PTPRD: variants seen among roughly 807,000 people sequenced by gnomAD.
PTPRD encodes the protein protein tyrosine phosphatase receptor type D, also known as receptor-type tyrosine-protein phosphatase delta.
Under a neutral mutation model 214.5 loss-of-function variants are expected in PTPRD, and 34 were observed. The observed-to-expected ratio is 0.16, with a 90% CI of 0.12 to 0.21. PTPRD has a LOEUF of 0.21. PTPRD is among the 10% of genes least tolerant of loss of function. The probability of loss-of-function intolerance (pLI) is 1.00; values close to 1 mark genes in which losing one functional copy is unlikely to be tolerated. For missense variants in PTPRD, 2,545 were observed against 2,398.7 expected (o/e 1.06, Z -1.27); for synonymous variants, 1,128 against 845.7 (o/e 1.33, Z -5.79).
At chr9:9,868,375 A>G (rs1600304315) in intron 5 of PTPRD, among the ~76,000 whole-genome samples, 1 of 152,218 alleles carries the variant, frequency 6.6e-6, no homozygotes, top group Admixed American at 6.5e-5. Context: ...AGAATTTTTT[A>G]ACTAAAATTT....
intron 8 of PTPRD, among the ~76,000 whole-genome samples, chr9:9,457,675 G>A (rs1355785567): frequency 6.6e-6 from 1 of 151,996 alleles, no homozygotes; most frequent in Admixed American, 6.6e-5. Flanking sequence ...TGTACAACAT[G>A]TTACATATAT....
rs745363174 is a variant in PTPRD at position 8,481,785 on chromosome 9, T to TTTTGC, written c.3413+2333_3413+2334insGCAAA. 1.3e-3 allele frequency among the ~76,000 whole-genome samples: 202 copies of TTTTGC among 152,170 alleles called. 1 individual carries two copies. The highest frequency in any genetic ancestry group is 1.9e-3 in the Non-Finnish European group (129 of 67,996). ...AAATGCATATCTATAATCTGTTTTG[T>TTTTGC]TTTGTTTTGTTTTTTGAGACGGAGT... On this transcript the variant is annotated intron_variant, in intron 30 of 45. Transcript: ENST00000381196.
At chr9:9,677,821 T>C (rs1483847627) in intron 7 of PTPRD, among the ~76,000 whole-genome samples, 18 of 152,054 alleles carry the variant, frequency 1.2e-4, no homozygotes, top group African/African-American at 4.1e-4. Flanking sequence ...TAGAAAACCC[T>C]ATCATCTCAG....
At chr9:8,845,946 G>A (rs1294150074) in intron 11 of PTPRD, among the ~76,000 whole-genome samples, 2 of 152,290 alleles carry the variant, frequency 1.3e-5, no homozygotes, top group South Asian at 4.1e-4. Context: ...GCCTGGATGA[G>A]GCCCCTTAAA....
chr9:10,178,003 A>G (rs2099259531), intron 3 of PTPRD, among the ~76,000 whole-genome samples: 1 of 151,918 alleles, frequency 6.6e-6, no homozygotes, highest in South Asian at 2.1e-4. Flanking sequence ...AGCACTTTCT[A>G]GTTGTTAATT....
intron 2 of PTPRD, among the ~76,000 whole-genome samples, chr9:10,506,208 C>T (rs909477591): frequency 6.6e-6 from 1 of 151,898 alleles, no homozygotes; most frequent in African/African-American, 2.4e-5. Context: ...CTTTTTTTAT[C>T]ACTTTTAAAA....
intron 43 of PTPRD, among the ~76,000 whole-genome samples, chr9:8,338,503 T>C (rs1159436425): frequency 1.3e-5 from 2 of 152,058 alleles, no homozygotes; most frequent in African/African-American, 2.4e-5. Context: ...TCATACCAAA[T>C]TAACCTCTGG....
chr9:10,103,580 T>A lies in PTPRD; in HGVS notation c.-544-69790A>T, dbSNP rs561943322. ...ATAAGCCCCCTAAAGCCCTTTGTGG[T>A]TTTATGGTTGTGCTTTTGTCTTAGG... On this transcript the variant is annotated intron_variant, in intron 3 of 45. Transcript: ENST00000381196. 1.5e-4 allele frequency among the ~76,000 whole-genome samples: 23 copies of A among 150,942 alleles called. No homozygotes were observed. In the South Asian group the frequency reaches 4.6e-3, roughly 30 times the overall value.
At chr9:9,913,415 CAG>C (rs1046683085) in intron 5 of PTPRD, among the ~76,000 whole-genome samples, 1 of 151,940 alleles carries the variant, frequency 6.6e-6, no homozygotes, top group Non-Finnish European at 1.5e-5. Flanking sequence ...AAAAACAAAA[CAG>C]AGTGATCTCA....
chr9:8,762,696 C>T (rs920990142), intron 11 of PTPRD, among the ~76,000 whole-genome samples: 1 of 152,074 alleles, frequency 6.6e-6, no homozygotes, highest in Admixed American at 6.5e-5. Context: ...TAACTTCTGA[C>T]CCTTGAAACT....
chr9:9,365,990 T>C (rs2139383958), intron 9 of PTPRD, among the ~76,000 whole-genome samples: 1 of 151,640 alleles, frequency 6.6e-6, no homozygotes, highest in African/African-American at 2.4e-5. Context: ...AACTATAATA[T>C]TATAAATCTT....
At chr9:8,647,037 T>C (rs547959346) in intron 12 of PTPRD, among the ~76,000 whole-genome samples, 3 of 152,350 alleles carry the variant, frequency 2.0e-5, no homozygotes, top group South Asian at 2.1e-4. Flanking sequence ...CTGCAATACA[T>C]TGATATGACA....
intron 4 of PTPRD, among the ~76,000 whole-genome samples, chr9:9,986,341 G>T (rs116067450): frequency 4.6e-5 from 7 of 152,070 alleles, no homozygotes; most frequent in African/African-American, 1.7e-4. Flanking sequence ...GATAGACTAA[G>T]TGTCTATCAA....
At position 9,564,852 on chromosome 9, in the gene PTPRD, T is replaced by A. The variant is rs1193794647; in HGVS notation, c.-237+9880A>T. On this transcript the variant is annotated intron_variant, in intron 8 of 45. Transcript: ENST00000381196. ...ATTTCTTGTTCTGCCTCCAGAAATG[T>A]AAGCTGAACAAAAGAGAGACTTGAA... Among the ~76,000 whole-genome samples, 5 of 141,602 alleles carry A rather than the reference T, an allele frequency of 3.5e-5. No individual in the cohort carries two copies. In the East Asian group the frequency reaches 1.2e-3, roughly 33 times the overall value. The allele number at this position is 141,602 out of a possible 152,430, so 92.9% of individuals were successfully genotyped here.
chr9:9,672,694 C>A (rs1594851669), intron 7 of PTPRD, among the ~76,000 whole-genome samples: 2 of 152,104 alleles, frequency 1.3e-5, no homozygotes, highest in East Asian at 3.9e-4. Flanking sequence ...CTACAGAAAT[C>A]CTGACAGGGA....
rs150509445 is a variant in PTPRD at position 8,908,141 on chromosome 9, G to A, written c.-104+110556C>T. On this transcript the variant is annotated intron_variant, in intron 11 of 45. Coordinates refer to ENST00000381196, the MANE Select transcript of PTPRD (RefSeq NM_002839.4). ...AAACAATGGGGGCCAGAAGACAGCA[G>A]AATGTTGTAATGAAACTGCTGAAAA... Among the ~76,000 whole-genome samples, 74 of 152,268 alleles carry A rather than the reference G, an allele frequency of 4.9e-4. 1 individual carries two copies. In the East Asian group the frequency reaches 0.014, roughly 28 times the overall value.
chr9:8,316,624 T>TAA lies in PTPRD; in HGVS notation c.*1248_*1249dup, dbSNP rs1821984332. 4.3e-6 allele frequency: 1 copy of TAA among 230,646 alleles called. No individual in the cohort carries two copies. 14.3% of individuals were successfully genotyped at this position (230,646 alleles called of 1,614,324 possible). ...TGCACACCTCTTAGCTATTTAATAA[T>TAA]AATTTTTATTGCACTAGAGTGTTAG... is the stretch of plus-strand genomic sequence containing the variant. On this transcript the variant is annotated 3_prime_UTR_variant, in exon 46 of 46. Coordinates refer to ENST00000381196, the MANE Select transcript of PTPRD (RefSeq NM_002839.4).
intron 5 of PTPRD, among the ~76,000 whole-genome samples, chr9:9,888,568 T>C (rs926677787): frequency 6.6e-6 from 1 of 152,050 alleles, no homozygotes; most frequent in East Asian, 1.9e-4. Flanking sequence ...GGAGAGCCAA[T>C]TGTTAAAAAT....
intron 2 of PTPRD, among the ~76,000 whole-genome samples, chr9:10,602,717 A>G (rs1489013192): frequency 1.3e-5 from 2 of 151,860 alleles, no homozygotes; most frequent in African/African-American, 4.8e-5. Context: ...TGTAATTAAA[A>G]TGACTCTTAG....
Sources: gnomAD v4.1 joint callset for allele counts (sites outside exome capture counted in the v4.1 genomes callset) on GRCh38, gnomAD v4.1.1 for gene constraint, MANE v1.5 for transcripts, NCBI Gene and HGNC (gene_info 2026-07-23, HGNC 2026-07-21) for gene names.